The following MOB3B variants were observed in gnomAD, a reference collection of about 807,000 sequenced individuals.
The protein encoded by MOB3B is MOB kinase activator-like 2B.
MOB3B carries 7 observed loss-of-function variants against 18.7 expected under a neutral mutation model. That is an observed-to-expected ratio of 0.37 (90% CI 0.21 to 0.70). The LOEUF (loss-of-function observed/expected upper bound fraction) is 0.70, where lower values mean the gene tolerates loss of function less well. MOB3B is among the 30% of genes least tolerant of loss of function. The pLI is 0.52. For missense variants in MOB3B, 253 were observed against 281.3 expected (o/e 0.90, Z 0.72); for synonymous variants, 111 against 99.9 (o/e 1.11, Z -0.66).
chr9:27,384,784 G>T (rs1294238756), intron 2 of MOB3B, among the ~76,000 whole-genome samples: 1 of 152,200 alleles, frequency 6.6e-6, no homozygotes, highest in African/African-American at 2.4e-5. Context: ...TAGCCCAGCT[G>T]TTCTGCCAGT....
intron 3 of MOB3B, among the ~76,000 whole-genome samples, chr9:27,347,070 T>C (rs1751267135): frequency 1.3e-5 from 2 of 152,250 alleles, no homozygotes; most frequent in African/African-American, 2.4e-5. Context: ...ACAATCTATG[T>C]TATTCTGGAT....
intron 2 of MOB3B, among the ~76,000 whole-genome samples, chr9:27,395,965 C>A (rs1321547989): frequency 6.6e-6 from 1 of 151,958 alleles, no homozygotes; most frequent in Non-Finnish European, 1.5e-5. Flanking sequence ...GAGGAAATCA[C>A]AATTATTGTG....
At chr9:27,341,473 A>G (rs112605297) in intron 3 of MOB3B, among the ~76,000 whole-genome samples, 24 of 152,368 alleles carry the variant, frequency 1.6e-4, no homozygotes, top group African/African-American at 5.8e-4. Context: ...CCTGTAATTT[A>G]GGAAGTCTGT....
chr9:27,514,656 A>C (rs954211367), intron 1 of MOB3B, among the ~76,000 whole-genome samples: 1 of 152,174 alleles, frequency 6.6e-6, no homozygotes, highest in African/African-American at 2.4e-5. Flanking sequence ...CACATTGAAC[A>C]CCCCTGAGAA....
Position 27,494,397 on chromosome 9 carries a change from G to A in MOB3B, c.-199+35158C>T, listed in dbSNP as rs571708719. The stretch of plus-strand genomic sequence containing the variant: ...CTAATAAAAACTTGCTGGTTTTTGC[G>A]GCTTGTGGGGCATCATGGACCCTAC... On this transcript the variant is annotated intron_variant, in intron 1 of 3. Coordinates refer to ENST00000262244, the MANE Select transcript of MOB3B (RefSeq NM_024761.5). Among the ~76,000 whole-genome samples, 7 of 152,180 alleles carry A rather than the reference G, an allele frequency of 4.6e-5. No homozygotes were observed. The South Asian group carries it at 8.3e-4, about 18-fold the overall frequency.
chr9:27,350,641 C>A (rs1326577461), intron 3 of MOB3B, among the ~76,000 whole-genome samples: 1 of 152,176 alleles, frequency 6.6e-6, no homozygotes, highest in Non-Finnish European at 1.5e-5. Context: ...TAAGGCAATT[C>A]ATTGGAAATA....
chr9:27,437,505 T>A (rs1822528583), intron 2 of MOB3B, among the ~76,000 whole-genome samples: 1 of 152,208 alleles, frequency 6.6e-6, no homozygotes, highest in African/African-American at 2.4e-5. Context: ...ATTTATTTAT[T>A]TATAAGCAAT....
At chr9:27,417,909 C>G (rs1212333534) in intron 2 of MOB3B, among the ~76,000 whole-genome samples, 1 of 151,812 alleles carries the variant, frequency 6.6e-6, no homozygotes, top group Non-Finnish European at 1.5e-5. Context: ...TTGGTGTACA[C>G]TTAGTACAAC....
rs113134730 is a variant in MOB3B at position 27,525,805 on chromosome 9, A to G, written c.-199+3750T>C. On this transcript the variant is annotated intron_variant, in intron 1 of 3. Coordinates refer to ENST00000262244, the MANE Select transcript of MOB3B (RefSeq NM_024761.5). ...TTTACATTAGATTTTCCTAGTTAGA[A>G]GACTACATTCTGTGAGTTAATTTAA... Among the ~76,000 whole-genome samples, 654 of 152,348 alleles carry G rather than the reference A, an allele frequency of 4.3e-3. 8 individuals carry two copies. Among genetic ancestry groups the G allele is most frequent in the African/African-American group, 0.015 (628 of 41,576 alleles).
At chr9:27,434,045 C>T (rs1423881959) in intron 2 of MOB3B, among the ~76,000 whole-genome samples, 2 of 152,182 alleles carry the variant, frequency 1.3e-5, no homozygotes, top group Admixed American at 6.5e-5. Context: ...TATTTGCTCA[C>T]CTCTGTGAAG....
intron 1 of MOB3B, among the ~76,000 whole-genome samples, chr9:27,511,812 T>C (rs1022273192): frequency 6.6e-6 from 1 of 152,142 alleles, no homozygotes; most frequent in South Asian, 2.1e-4. Flanking sequence ...AACCCCCTGA[T>C]CTAACTTATA....
intron 3 of MOB3B, among the ~76,000 whole-genome samples, chr9:27,335,630 G>A (rs1485248295): frequency 1.2e-4 from 18 of 152,050 alleles, no homozygotes; most frequent in Non-Finnish European, 1.3e-4. Context: ...GGTGGCCGAC[G>A]CTCCTTCTCT....
intron 2 of MOB3B, among the ~76,000 whole-genome samples, chr9:27,447,004 G>T (rs573097790): frequency 1.3e-5 from 1 of 74,296 alleles, no homozygotes; most frequent in African/African-American, 6.8e-5. Flanking sequence ...AAATTAGCAT[G>T]AATTTTTTTT....
At position 27,325,328 on chromosome 9, in the gene MOB3B, T is replaced by C. The variant is rs1820694921; in HGVS notation, c.*5259A>G. On this transcript the variant is annotated 3_prime_UTR_variant, in exon 4 of 4. Coordinates refer to ENST00000262244, the MANE Select transcript of MOB3B (RefSeq NM_024761.5). ...AATTGATTTAATTGTTAGTTTTCCTTATAGTCAAATGCTTAATACAATCAT... is the reference window on the plus strand; with the variant it reads ...AATTGATTTAATTGTTAGTTTTCCTCATAGTCAAATGCTTAATACAATCAT... The C allele has an allele frequency of 6.6e-6, 1 of 152,230 alleles. No homozygotes were observed. The highest frequency in any genetic ancestry group is 2.1e-4 in the South Asian group (1 of 4,824). 9.4% of individuals were successfully genotyped at this position (152,230 alleles called of 1,614,324 possible).
intron 2 of MOB3B, among the ~76,000 whole-genome samples, chr9:27,383,756 C>T (rs557287511): frequency 1.3e-3 from 204 of 152,268 alleles, no homozygotes; most frequent in Non-Finnish European, 2.2e-3. Context: ...TGCTAGCACA[C>T]TGCATTGTTC....
intron 2 of MOB3B, among the ~76,000 whole-genome samples, chr9:27,383,826 A>G (rs1821613552): frequency 6.6e-6 from 1 of 152,210 alleles, no homozygotes; most frequent in African/African-American, 2.4e-5. Flanking sequence ...AATGGTTGCA[A>G]TTACCTTACC....
rs1291703938 is a variant in MOB3B, at chr9:27,444,284, GAGGGAAGGAAGGAAGGAAGA to G, written c.418+10829_418+10848del. On this transcript the variant is annotated intron_variant, in intron 2 of 3. Transcript: ENST00000262244. Reference sequence around the variant, plus strand: ...GGAAGGAAGGAGGGAGGGAGGGAGGGAGGGAAGGAAGGAAGGAAGAAAGGAAGGAAGAAAGGAAGGAAGGA... The same window carrying G: ...GGAAGGAAGGAGGGAGGGAGGGAGGGAAGGAAGGAAGAAAGGAAGGAAGGA... 2.6e-5 allele frequency among the ~76,000 whole-genome samples: 3 copies of G among 115,000 alleles called. No individual in the cohort carries two copies. The East Asian group carries it at 1.2e-3, about 44-fold the overall frequency. The allele number at this position is 115,000 out of a possible 152,430, so 75.4% of individuals were successfully genotyped here.
intron 2 of MOB3B, among the ~76,000 whole-genome samples, chr9:27,412,387 AG>A (rs1822083837): frequency 6.6e-6 from 1 of 152,108 alleles, no homozygotes; most frequent in Admixed American, 6.5e-5. Flanking sequence ...TTTGTGGCAA[AG>A]CCCCCACCTT....
chr9:27,503,710 AG>A (rs1394060281), intron 1 of MOB3B, among the ~76,000 whole-genome samples: 1 of 152,226 alleles, frequency 6.6e-6, no homozygotes, highest in Non-Finnish European at 1.5e-5. Context: ...CTTTAGGACT[AG>A]GGCATTTATT....
Sources: gnomAD v4.1 joint callset for allele counts (sites outside exome capture counted in the v4.1 genomes callset) on GRCh38, gnomAD v4.1.1 for gene constraint, MANE v1.5 for transcripts, NCBI Gene and HGNC (gene_info 2026-07-23, HGNC 2026-07-21) for gene names.